PSME4: variants seen among roughly 807,000 people sequenced by gnomAD.
The protein encoded by PSME4 is proteasome activator complex subunit 4.
PSME4 carries 89 observed loss-of-function variants against 253.9 expected under a neutral mutation model. The ratio of observed to expected loss-of-function variants is 0.35; its 90% CI spans 0.30 to 0.42. The LOEUF (loss-of-function observed/expected upper bound fraction) is 0.42. Among genes scored for constraint, PSME4 ranks in the 10% least tolerant of loss-of-function variants. PSME4 has a pLI of 1.00. For synonymous variants in PSME4, 851 were observed against 759.2 expected (o/e 1.12, Z -1.99); for missense variants, 2,014 against 2,195.2 (o/e 0.92, Z 1.65).
At chr2:53,912,943 C>T (rs1667891096) in intron 20 of PSME4, among the ~76,000 whole-genome samples, 1 of 152,174 alleles carries the variant, frequency 6.6e-6, no homozygotes, top group Non-Finnish European at 1.5e-5. Context: ...AGTGAATAGT[C>T]TTAAGGCACT....
chr2:53,900,264 A>T (rs1415252664), intron 28 of PSME4, among the ~76,000 whole-genome samples: 2 of 152,112 alleles, frequency 1.3e-5, no homozygotes, highest in Non-Finnish European at 2.9e-5. Flanking sequence ...TGGGGTGATG[A>T]AAACATTGTG....
rs2104453053 is a variant in PSME4, at chr2:53,922,973, C to G, written c.1978+76G>C. ...TTGTGAAGCTAAAGGAATCTGTTGT[C>G]ATTAACAGAGTTTTAGAAACCAAGA... On this transcript the variant is annotated intron_variant, in intron 16 of 46. Coordinates refer to ENST00000404125, the MANE Select transcript of PSME4 (RefSeq NM_014614.3). The G allele has an allele frequency of 3.5e-6, 4 of 1,151,632 alleles. 1 individual carries two copies. The South Asian group carries it at 7.8e-5, about 22-fold the overall frequency. The allele number at this position is 1,151,632 out of a possible 1,614,324, so 71.3% of individuals were successfully genotyped here.
rs1272054337 is a variant in PSME4 at position 53,920,926 on chromosome 2, C to T, written c.2225G>A (p.Gly742Asp). 9.9e-6 allele frequency: 16 copies of T among 1,613,520 alleles called. No individual in the cohort carries two copies. The highest frequency in any genetic ancestry group is 1.4e-5 in the Non-Finnish European group (16 of 1,179,552). Residue 742 changes from glycine (G) to aspartate (D), a missense_variant, in exon 18 of 47, where the codon GGC becomes GAC. By Grantham distance (94) the Gly-to-Asp change is moderately conservative. Around this residue, in one of 4 missense-constraint regions of PSME4, gnomAD observed 989 missense variants for 1,021.1 expected, o/e 0.97. Coordinates refer to ENST00000404125, the MANE Select transcript of PSME4 (RefSeq NM_014614.3). ...GTATTCAGAAGGAGGCTTGTCAAAG[C>T]CACCTGGCACACTGCAGTATTCTGT... The part of the protein sequence containing the change: ...YPTEYCSVPG[G>D]FDKPPSEYFP...
chr2:53,934,039 G>T (rs945225904), intron 8 of PSME4, among the ~76,000 whole-genome samples: 1 of 152,194 alleles, frequency 6.6e-6, no homozygotes, highest in Non-Finnish European at 1.5e-5. Context: ...AGAAATAGCT[G>T]CAGAAGCAAT....
At chr2:53,908,273 T>A (rs199939178) in intron 24 of PSME4, 47 bp downstream of exon 24, 4 of 1,453,686 alleles carry the variant, frequency 2.8e-6, no homozygotes, top group Non-Finnish European at 2.9e-6. Context: ...GAGGTTATTA[T>A]ACGACTTTAA....
At chr2:53,886,708 C>T (rs1477621809) in intron 40 of PSME4, among the ~76,000 whole-genome samples, 1 of 152,128 alleles carries the variant, frequency 6.6e-6, no homozygotes, top group East Asian at 1.9e-4. Flanking sequence ...GGTACATACC[C>T]TAAAGAACTG....
intron 27 of PSME4, among the ~76,000 whole-genome samples, chr2:53,903,365 C>T (rs995785532): frequency 3.9e-5 from 6 of 151,926 alleles, no homozygotes; most frequent in African/African-American, 1.5e-4. Flanking sequence ...TTTTTTCAGT[C>T]CCCTCATATT....
chr2:53,883,975 G>A (rs959577971), intron 41 of PSME4, among the ~76,000 whole-genome samples: 5 of 152,194 alleles, frequency 3.3e-5, no homozygotes, highest in East Asian at 1.9e-4. Context: ...ATTTCTGACC[G>A]CCTCTTCTAC....
At chr2:53,903,090 T>C (rs1338363684) in intron 27 of PSME4, among the ~76,000 whole-genome samples, 1 of 152,230 alleles carries the variant, frequency 6.6e-6, no homozygotes, top group Non-Finnish European at 1.5e-5. Context: ...TTTCTCAACA[T>C]ATGCCCCTTG....
chr2:53,895,852 A>G (rs1573233744), intron 32 of PSME4, 116 bp from the exon 33 acceptor site: 1 of 907,084 alleles, frequency 1.1e-6, no homozygotes, highest in Non-Finnish European at 1.6e-6. Context: ...CACTACAAAA[A>G]TAACATTAAG....
chr2:53,922,070 G>A (rs932705789), intron 17 of PSME4, among the ~76,000 whole-genome samples: 5 of 151,918 alleles, frequency 3.3e-5, no homozygotes, highest in Non-Finnish European at 5.9e-5. Flanking sequence ...TACTTGGGAG[G>A]CTGAGGCAGG....
intron 26 of PSME4, among the ~76,000 whole-genome samples, chr2:53,904,903 G>A (rs1317464954): frequency 2.0e-5 from 3 of 151,882 alleles, no homozygotes; most frequent in Non-Finnish European, 2.9e-5. Context: ...CAGGAGAATT[G>A]CTGGAACTCA....
At chr2:53,935,595 C>T (rs963853593) in intron 7 of PSME4, among the ~76,000 whole-genome samples, 11 of 152,264 alleles carry the variant, frequency 7.2e-5, no homozygotes, top group African/African-American at 2.2e-4. Flanking sequence ...CAACCAAATA[C>T]GGTACACAAA....
At chr2:53,967,532 C>T (rs1315875809) in intron 1 of PSME4, among the ~76,000 whole-genome samples, 2 of 151,234 alleles carry the variant, frequency 1.3e-5, no homozygotes, top group Non-Finnish European at 2.9e-5. Context: ...ATCCCAGCTA[C>T]TCAGGAGGCT....
At chr2:53,919,367 T>A (rs910783437) in intron 19 of PSME4, 121 bp from the exon 20 acceptor site, 3 of 1,301,490 alleles carry the variant, frequency 2.3e-6, no homozygotes, top group Non-Finnish European at 3.0e-6. Context: ...AAATAGCAAA[T>A]GTCTTCAGTT....
At chr2:53,947,703 C>T (rs1333735569) in intron 3 of PSME4, among the ~76,000 whole-genome samples, 1 of 64,688 alleles carries the variant, frequency 1.5e-5, no homozygotes, top group African/African-American at 7.0e-5. Context: ...GAGACTCCAT[C>T]TCAAAACAAA....
chr2:53,897,087 G>A (rs1416750386), intron 31 of PSME4, among the ~76,000 whole-genome samples: 1 of 151,564 alleles, frequency 6.6e-6, no homozygotes, highest in East Asian at 1.9e-4. Flanking sequence ...CTTGACACAT[G>A]CTAGTCTCTC....
chr2:53,926,474 G>A (rs1393722899), intron 12 of PSME4, among the ~76,000 whole-genome samples: 1 of 152,154 alleles, frequency 6.6e-6, no homozygotes, highest in Non-Finnish European at 1.5e-5. Context: ...AAGAGTTCAA[G>A]ACCAGTCTGG....
At chr2:53,892,984 C>T in intron 35 of PSME4, 24 bp from the exon 36 acceptor site, 1 of 1,595,292 alleles carries the variant, frequency 6.3e-7, no homozygotes, top group Non-Finnish European at 8.6e-7. Context: ...GACTGTTCTT[C>T]AGTACTCAAA....
Sources: gnomAD v4.1 joint callset for allele counts (sites outside exome capture counted in the v4.1 genomes callset) on GRCh38, gnomAD v4.1.1 for gene constraint, gnomAD v4.1.1 regional missense constraint, MANE v1.5 for transcripts, NCBI Gene and HGNC (gene_info 2026-07-23, HGNC 2026-07-21) for gene names.